The following PDE10A variants were observed in gnomAD, a reference collection of about 807,000 sequenced individuals.
PDE10A encodes the protein phosphodiesterase 10A, also known as cAMP and cAMP-inhibited cGMP 3',5'-cyclic phosphodiesterase 10A.
In PDE10A, 39 loss-of-function variants were observed where a neutral mutation model predicts 97.7. That is an observed-to-expected ratio of 0.40 (90% confidence interval 0.31 to 0.52). The LOEUF is 0.52. Ranked by LOEUF, PDE10A falls within the 20% of genes least tolerant of loss-of-function variation. The probability of loss-of-function intolerance (pLI) is 0.56; values close to 1 mark genes in which losing one functional copy is unlikely to be tolerated. For synonymous variants in PDE10A, 371 were observed against 376.8 expected (o/e 0.98, Z 0.18); for missense variants, 731 against 1,047.8 (o/e 0.70, Z 4.17).
At chr6:165,838,561 TC>T (rs1016397262) in intron 1 of PDE10A, among the ~76,000 whole-genome samples, 5 of 152,136 alleles carry the variant, frequency 3.3e-5, no homozygotes, top group African/African-American at 1.2e-4. Flanking sequence ...TTTCAGCCAC[TC>T]CCCATTTCTC....
chr6:165,835,993 G>A (rs965791677), intron 1 of PDE10A, among the ~76,000 whole-genome samples: 40 of 152,336 alleles, frequency 2.6e-4, no homozygotes, highest in African/African-American at 9.1e-4. Flanking sequence ...TTCTTCTGAA[G>A]CATGGCCTTC....
intron 1 of PDE10A, among the ~76,000 whole-genome samples, chr6:165,763,455 C>T (rs377407291): frequency 1.2e-3 from 179 of 152,050 alleles, no homozygotes; most frequent in African/African-American, 4.2e-3. Flanking sequence ...CCCCAGTAGC[C>T]GGGATTACAG....
chr6:165,424,078 GGA>G (rs1788935477), intron 10 of PDE10A, among the ~76,000 whole-genome samples: 1 of 152,028 alleles, frequency 6.6e-6, no homozygotes, highest in Non-Finnish European at 1.5e-5. Context: ...TTTCTACACA[GGA>G]GCACACTGTT....
At chr6:165,915,331 A>G (rs1384473902) in intron 1 of PDE10A, among the ~76,000 whole-genome samples, 1 of 152,226 alleles carries the variant, frequency 6.6e-6, no homozygotes, top group Non-Finnish European at 1.5e-5. Flanking sequence ...TTGAACAAGT[A>G]ATTTGAGCAT....
chr6:165,831,200 G>C (rs910108292), intron 1 of PDE10A, among the ~76,000 whole-genome samples: 2 of 151,170 alleles, frequency 1.3e-5, no homozygotes, highest in Non-Finnish European at 2.9e-5. Context: ...GTGAAACCCC[G>C]TCTCTACTAA....
At chr6:165,707,662 CGT>C (rs758621741) in intron 1 of PDE10A, among the ~76,000 whole-genome samples, 5 of 151,144 alleles carry the variant, frequency 3.3e-5, no homozygotes, top group African/African-American at 9.7e-5. Flanking sequence ...TATATGTGAG[CGT>C]GTGTGTGTAA....
At chr6:165,916,215 C>T (rs112738284) in intron 1 of PDE10A, among the ~76,000 whole-genome samples, 1,778 of 152,252 alleles carry the variant, frequency 0.012, 41 homozygotes, top group African/African-American at 0.04. Flanking sequence ...TCTGTTGATC[C>T]GAACTTGTTT....
chr6:165,705,512 G>A (rs931459777), intron 1 of PDE10A, among the ~76,000 whole-genome samples: 9 of 152,224 alleles, frequency 5.9e-5, no homozygotes, highest in Non-Finnish European at 1.0e-4. Flanking sequence ...ATGCAGAGCA[G>A]GTCTTCACAA....
intron 2 of PDE10A, among the ~76,000 whole-genome samples, chr6:165,504,576 A>C (rs1009378567): frequency 6.6e-6 from 1 of 152,096 alleles, no homozygotes; most frequent in Admixed American, 6.6e-5. Flanking sequence ...GAAAATCTAA[A>C]GCTTTTGGTA....
At chr6:165,483,222 T>G (rs1779706204) in intron 2 of PDE10A, among the ~76,000 whole-genome samples, 1 of 152,222 alleles carries the variant, frequency 6.6e-6, no homozygotes, top group Non-Finnish European at 1.5e-5. Context: ...TTCCTGTGTC[T>G]TCTTGAGCAA....
chr6:165,562,988 A>G (rs1006705758), intron 1 of PDE10A, among the ~76,000 whole-genome samples: 1 of 152,162 alleles, frequency 6.6e-6, no homozygotes, highest in African/African-American at 2.4e-5. Flanking sequence ...ATCCACAGAA[A>G]GCATCAACGG....
At chr6:165,944,744 C>T (rs999740333) in intron 1 of PDE10A, among the ~76,000 whole-genome samples, 1 of 152,054 alleles carries the variant, frequency 6.6e-6, no homozygotes, top group Non-Finnish European at 1.5e-5. Context: ...ATTCTTGCTT[C>T]AAAGAGCTGG....
intron 3 of PDE10A, among the ~76,000 whole-genome samples, chr6:165,481,407 C>A (rs1779599602): frequency 6.6e-6 from 1 of 152,106 alleles, no homozygotes; most frequent in African/African-American, 2.4e-5. Context: ...TCCCCTATCT[C>A]CACACCCCCA....
chr6:165,761,068 C>G (rs62427271), intron 1 of PDE10A, among the ~76,000 whole-genome samples: 1 of 152,226 alleles, frequency 6.6e-6, no homozygotes, highest in African/African-American at 2.4e-5. Flanking sequence ...GGCCTGGCCT[C>G]TCCCGTTCCC....
intron 1 of PDE10A, among the ~76,000 whole-genome samples, chr6:165,679,809 G>A (rs1459696070): frequency 6.6e-6 from 1 of 152,142 alleles, no homozygotes; most frequent in Non-Finnish European, 1.5e-5. Context: ...AGTGTGAAAA[G>A]TGGCATTTCT....
intron 1 of PDE10A, among the ~76,000 whole-genome samples, chr6:165,605,128 C>T (rs1787147068): frequency 6.6e-6 from 1 of 152,096 alleles, no homozygotes; most frequent in African/African-American, 2.4e-5. Flanking sequence ...TTTCCATCTC[C>T]TCTGCCTGAA....
At chr6:165,750,317 A>G (rs533528013) in intron 1 of PDE10A, among the ~76,000 whole-genome samples, 1 of 152,350 alleles carries the variant, frequency 6.6e-6, no homozygotes, top group Non-Finnish European at 1.5e-5. Context: ...AGACATTGAC[A>G]ACTGAAACGT....
intron 1 of PDE10A, among the ~76,000 whole-genome samples, chr6:165,643,704 G>A (rs1789254392): frequency 6.6e-6 from 1 of 152,168 alleles, no homozygotes; most frequent in African/African-American, 2.4e-5. Context: ...GCAGGGATGG[G>A]GAAAAGAAAG....
At chr6:165,422,055 C>T (rs990984444) in intron 10 of PDE10A, among the ~76,000 whole-genome samples, 4 of 152,116 alleles carry the variant, frequency 2.6e-5, no homozygotes, top group Non-Finnish European at 5.9e-5. Flanking sequence ...CAGTGCCAGA[C>T]CCTGTCTAAA....
Sources: allele counts gnomAD v4.1 joint callset (sites outside exome capture counted in the v4.1 genomes callset), GRCh38; gene constraint gnomAD v4.1.1; transcripts MANE v1.5; gene names NCBI Gene and HGNC (gene_info 2026-07-23, HGNC 2026-07-21).